The following RP1L1 variants were observed in gnomAD, a reference collection of about 807,000 sequenced individuals.
RP1L1 encodes retinitis pigmentosa 1-like 1 protein.
RP1L1 carries 27 observed loss-of-function variants against 15.7 expected under a neutral mutation model. That is an observed-to-expected ratio of 1.72 (90% CI 1.27 to 2.38). The LOEUF (loss-of-function observed/expected upper bound fraction) is 2.38, where lower values mean the gene tolerates loss of function less well. RP1L1 is among the 30% of genes most tolerant of loss of function. The probability of loss-of-function intolerance (pLI) is 0.00; values close to 1 mark genes in which losing one functional copy is unlikely to be tolerated. For missense variants in RP1L1, 4,798 were observed against 3,075.9 expected (o/e 1.56, Z -13.24); for synonymous variants, 1,813 against 1,276.7 (o/e 1.42, Z -8.96).
Position 10,607,679 on chromosome 8 carries a change from T to A in RP1L1, c.6419A>T (p.Glu2140Val), listed in dbSNP as rs1394118194. Residue 2140 changes from glutamate (E) to valine (V), a missense_variant, in exon 4 of 4, where the codon GAG (glutamate) becomes GTG (valine). Transcript: ENST00000382483. ...TACACCTTCTGACTCAGGCTGGGCCTCCCCTTCAGCCTCTGGGGCCTCTAT... is the reference window on the plus strand; with the variant it reads ...TACACCTTCTGACTCAGGCTGGGCCACCCCTTCAGCCTCTGGGGCCTCTAT... Reference protein sequence around the residue: ...EGIEAPEAEGEAQPESEGVEA... With the variant: ...EGIEAPEAEGVAQPESEGVEA... 3.8e-6 allele frequency: 6 copies of A among 1,588,274 alleles called. No homozygotes were observed. The highest frequency in any genetic ancestry group is 1.4e-5 in the African/African-American group (1 of 72,374).
chr8:10,619,329 C>T (rs576644881), intron 2 of RP1L1, among the ~76,000 whole-genome samples: 2 of 152,210 alleles, frequency 1.3e-5, no homozygotes, highest in African/African-American at 2.4e-5. Flanking sequence ...CTGACTCTTG[C>T]CACAAGCAAA....
Position 10,610,736 on chromosome 8 carries a change from C to G in RP1L1, c.3362G>C (p.Cys1121Ser). ...LSCSAGALIT[C>S]LASLQLFEED... Reference sequence around the variant, plus strand: ...CTCAAATAACTGCAGACTGGCCAGACAAGTAATGAGGGCCCCGGCTGAGCA... The same window carrying G: ...CTCAAATAACTGCAGACTGGCCAGAGAAGTAATGAGGGCCCCGGCTGAGCA... The change falls in exon 4 of 4, where the codon TGT (cysteine) becomes TCT (serine). Residue 1121 changes from cysteine (C) to serine (S), a missense_variant. Physicochemically the swap from Cys to Ser is moderately radical, Grantham distance 112. Coordinates refer to ENST00000382483, the MANE Select transcript of RP1L1 (RefSeq NM_178857.6). 1 of 1,613,530 alleles carries G rather than the reference C, an allele frequency of 6.2e-7. No homozygotes were observed. Among genetic ancestry groups the G allele is most frequent in the Non-Finnish European group, 8.5e-7 (1 of 1,180,044 alleles).
At chr8:10,649,658 C>A (rs1261125416) in intron 1 of RP1L1, among the ~76,000 whole-genome samples, 11 of 152,222 alleles carry the variant, frequency 7.2e-5, no homozygotes, top group Admixed American at 3.9e-4. Flanking sequence ...GCAGCTGGAT[C>A]ACTTGAGAGC....
chr8:10,623,862 C>T (rs1199745614), intron 1 of RP1L1, among the ~76,000 whole-genome samples: 2 of 150,188 alleles, frequency 1.3e-5, no homozygotes, highest in Non-Finnish European at 3.0e-5. Context: ...AAAATGACCA[C>T]GTATATCCCC....
chr8:10,613,197 C>T lies in RP1L1; in HGVS notation c.901G>A (p.Gly301Ser), dbSNP rs1274695337. The T allele has an allele frequency of 6.2e-7, 1 of 1,613,604 alleles. No individual in the cohort carries two copies. Among genetic ancestry groups the T allele is most frequent in the Non-Finnish European group, 8.5e-7 (1 of 1,180,014 alleles). The change falls in exon 4 of 4, where the codon GGC becomes AGC. Residue 301 changes from glycine (G) to serine (S), a missense_variant. Gly to Ser is a moderately conservative substitution (Grantham distance 56, BLOSUM62 0). Transcript: ENST00000382483. Reference sequence around the variant, plus strand: ...ATGTCATCGCCAGCCACCAGCGGGCCCGACTGAGCTGGCGTGTCCTGAGGG... The same window carrying T: ...ATGTCATCGCCAGCCACCAGCGGGCTCGACTGAGCTGGCGTGTCCTGAGGG... ...RHPQDTPAQS[G>S]PLVAGDDMKK...
chr8:10,606,590 C>T lies in RP1L1; in HGVS notation c.*305G>A. ...AAAGCTAAACTGGAGCCTTTCCAATCAGTTCCATCTTTCGGGCTCTGCAGA... is the reference window on the plus strand; with the variant it reads ...AAAGCTAAACTGGAGCCTTTCCAATTAGTTCCATCTTTCGGGCTCTGCAGA... On this transcript the variant is annotated 3_prime_UTR_variant, in exon 4 of 4. Coordinates refer to ENST00000382483, the MANE Select transcript of RP1L1 (RefSeq NM_178857.6). The T allele has an allele frequency of 2.5e-6, 1 of 401,036 alleles. No individual in the cohort carries two copies. Among genetic ancestry groups the T allele is most frequent in the Non-Finnish European group, 4.5e-6 (1 of 222,322 alleles). 24.8% of individuals were successfully genotyped at this position (401,036 alleles called of 1,614,324 possible). A position where few individuals can be genotyped will look rare whatever the true frequency, so the allele number is the denominator to read the frequency against.
At chr8:10,623,316 C>A (rs1798104141) in intron 1 of RP1L1, 96 bp from the exon 2 acceptor site, 4 of 905,810 alleles carry the variant, frequency 4.4e-6, no homozygotes, top group Non-Finnish European at 6.5e-6. Flanking sequence ...CCTGCCCACC[C>A]CAAATGTGCT....
In RP1L1 at chr8:10,607,388, G is replaced by T. The variant is rs766775681; in HGVS notation, c.6710C>A (p.Ala2237Asp). The T allele has an allele frequency of 6.2e-7, 1 of 1,605,346 alleles. No homozygotes were observed. The highest frequency in any genetic ancestry group is 1.1e-5 in the South Asian group (1 of 90,296). Residue 2237 changes from alanine to aspartate, a missense_variant, in exon 4 of 4, where the codon GCC becomes GAC. Ala to Asp is a moderately radical substitution (Grantham distance 126). Coordinates refer to ENST00000382483, the MANE Select transcript of RP1L1 (RefSeq NM_178857.6). Reference protein sequence around the residue: ...GVETPEAEGEAQPESEGETQG... With the variant: ...GVETPEAEGEDQPESEGETQG... ...AGTTTCTCCTTCTGACTCTGGCTGG[G>T]CCTCCCCTTCAGCCTCCGGGGTCTC...
intron 3 of RP1L1, among the ~76,000 whole-genome samples, chr8:10,616,189 A>G (rs528387291): frequency 2.0e-5 from 3 of 152,308 alleles, no homozygotes; most frequent in East Asian, 1.9e-4. Flanking sequence ...AATTACAGAC[A>G]TGAGCCACCA....
chr8:10,609,082 G>C lies in RP1L1; in HGVS notation c.5016C>G (p.Pro1672=), dbSNP rs551681036. The part of the protein sequence containing the change: ...CVRKKVSPMS[P]KATMGATRGP... ...CTCTGGTTGCCCCCATTGTGGCCTT[G>C]GGGGACATAGGGCTCACTTTCTTCC... The change falls in exon 4 of 4, where the codon CCC becomes CCG. Residue 1672 remains proline, a synonymous_variant. Transcript: ENST00000382483. 1.7e-5 allele frequency: 27 copies of C among 1,613,728 alleles called. No individual in the cohort carries two copies. The East Asian group carries it at 5.8e-4, about 35-fold the overall frequency.
chr8:10,613,977 A>T (rs11984640), intron 3 of RP1L1, among the ~76,000 whole-genome samples: 2,021 of 152,244 alleles, frequency 0.013, 39 homozygotes, highest in African/African-American at 0.045. Flanking sequence ...AAATAAGCAT[A>T]ATAATATTGA....
At chr8:10,620,797 A>G (rs1295704485) in intron 2 of RP1L1, among the ~76,000 whole-genome samples, 1 of 152,240 alleles carries the variant, frequency 6.6e-6, no homozygotes, top group Non-Finnish European at 1.5e-5. Context: ...GGAGGAAGTC[A>G]TCTATTACCC....
intron 1 of RP1L1, among the ~76,000 whole-genome samples, chr8:10,647,786 A>T (rs1370274267): frequency 6.6e-6 from 1 of 152,248 alleles, no homozygotes; most frequent in Non-Finnish European, 1.5e-5. Flanking sequence ...TATTGTGAAT[A>T]ATGCTGCCAT....
chr8:10,617,548 T>TC (rs1797989120), intron 2 of RP1L1, among the ~76,000 whole-genome samples: 1 of 7,486 alleles, frequency 1.3e-4, no homozygotes, highest in Non-Finnish European at 3.3e-4. Context: ...TTCTTTTTCT[T>TC]TTTTTTTTTT....
chr8:10,607,479 G>A lies in RP1L1; in HGVS notation c.6619C>T (p.Pro2207Ser), dbSNP rs1433928858. The change falls in exon 4 of 4, where the codon CCA becomes TCA. Residue 2207 changes from proline (P) to serine (S), a missense_variant. Physicochemically the swap from Pro to Ser is moderately conservative, Grantham distance 74. Coordinates refer to ENST00000382483, the MANE Select transcript of RP1L1 (RefSeq NM_178857.6). ...EAPEAEGEAQ[P>S]ELEGVEAPEA... ...GGGGCCTCTACACCTTCTAACTCTG[G>A]TTGGGCCTCCCCTTCTGCCTCTGGG... 1 of 1,610,652 alleles carries A rather than the reference G, an allele frequency of 6.2e-7. No individual in the cohort carries two copies. Among genetic ancestry groups the A allele is most frequent in the African/African-American group, 1.3e-5 (1 of 74,702 alleles).
rs776572559 is a variant in RP1L1, at chr8:10,607,256, G to C, written c.6842C>G (p.Pro2281Arg). The change falls in exon 4 of 4, where the codon CCT becomes CGT. Residue 2281 changes from proline to arginine, a missense_variant. Physicochemically the swap from Pro to Arg is moderately radical, Grantham distance 103. Coordinates refer to ENST00000382483, the MANE Select transcript of RP1L1 (RefSeq NM_178857.6). ...GTGGGGAGTGTCTCCACCTGGGGAA[G>C]GGGGTGGAGTGGGCCTGTCCTCAGG... ...PVPEDRPTPP[P>R]SPGGDTPHQR... 2.5e-6 allele frequency: 4 copies of C among 1,614,116 alleles called. No individual in the cohort carries two copies. Among genetic ancestry groups the C allele is most frequent in the Non-Finnish European group, 3.4e-6 (4 of 1,179,946 alleles).
Position 10,611,865 on chromosome 8 carries a change from G to A in RP1L1, c.2233C>T (p.His745Tyr). ...TSSATVTPAVHSDFVSGVSPH... is the reference protein window; with the variant it reads ...TSSATVTPAVYSDFVSGVSPH... ...GAGACTCCAGAAACAAAATCCGAGT[G>A]GACTGCAGGGGTGACAGTGGCACTG... The change falls in exon 4 of 4, where the codon CAC becomes TAC. Residue 745 changes from histidine (H) to tyrosine (Y), a missense_variant. His to Tyr is a moderately conservative substitution (Grantham distance 83). Coordinates refer to ENST00000382483, the MANE Select transcript of RP1L1 (RefSeq NM_178857.6). 6 of 1,613,796 alleles carry A rather than the reference G, an allele frequency of 3.7e-6. No homozygotes were observed. The highest frequency in any genetic ancestry group is 5.1e-6 in the Non-Finnish European group (6 of 1,180,030).
chr8:10,629,393 C>G (rs549513934), intron 1 of RP1L1, among the ~76,000 whole-genome samples: 7 of 151,990 alleles, frequency 4.6e-5, no homozygotes, highest in Non-Finnish European at 2.9e-5. Flanking sequence ...AACATCAAGA[C>G]GAAAAGTAAA....
intron 1 of RP1L1, among the ~76,000 whole-genome samples, chr8:10,624,531 G>A (rs539189018): frequency 1.3e-4 from 20 of 152,336 alleles, no homozygotes; most frequent in Admixed American, 3.9e-4. Flanking sequence ...TAGCCTCTCT[G>A]GCTCTAGGAA....
Sources: gnomAD v4.1 joint callset for allele counts (sites outside exome capture counted in the v4.1 genomes callset) on GRCh38, gnomAD v4.1.1 for gene constraint, MANE v1.5 for transcripts, NCBI Gene and HGNC (gene_info 2026-07-23, HGNC 2026-07-21) for gene names.